CYP39A1: variants seen among roughly 807,000 people sequenced by gnomAD.
CYP39A1 encodes 24-hydroxycholesterol 7-alpha-hydroxylase.
In CYP39A1, 49 loss-of-function variants were observed where a neutral mutation model predicts 58.1. The ratio of observed to expected loss-of-function variants is 0.84; its 90% confidence interval spans 0.67 to 1.07. The LOEUF (loss-of-function observed/expected upper bound fraction) is 1.07, where lower values mean the gene tolerates loss of function less well. CYP39A1 is among the 50% of genes least tolerant of loss of function. The pLI is 0.00. For missense variants in CYP39A1, 531 were observed against 539.4 expected, an observed-to-expected ratio of 0.98 and a Z score of 0.16; for synonymous variants, 209 against 187.6, an observed-to-expected ratio of 1.11 and a Z score of -0.93.
rs533030269 is a variant in CYP39A1, at chr6:46,645,261, T to C, written c.178-2963A>G. Among the ~76,000 whole-genome samples, 46 of 152,324 alleles carry C rather than the reference T, an allele frequency of 3.0e-4. No homozygotes were observed. In the South Asian group the frequency reaches 9.1e-3, roughly 30 times the overall value. On this transcript the variant is annotated intron_variant, in intron 1 of 11. Transcript: ENST00000275016. Reference sequence around the variant, plus strand: ...TCTATATTTCTTTCTACAGGTTTTATATCTTTATGTTTTACATTTAAGTCT... The same window carrying C: ...TCTATATTTCTTTCTACAGGTTTTACATCTTTATGTTTTACATTTAAGTCT...
intron 10 of CYP39A1, among the ~76,000 whole-genome samples, chr6:46,568,967 T>C (rs1283665389): frequency 1.3e-5 from 2 of 152,044 alleles, no homozygotes; most frequent in Non-Finnish European, 2.9e-5. Flanking sequence ...TGCAGACTTC[T>C]TTGGGTAGCA....
intron 7 of CYP39A1, among the ~76,000 whole-genome samples, chr6:46,602,451 A>G (rs560987539): frequency 8.5e-5 from 13 of 152,266 alleles, no homozygotes; most frequent in Admixed American, 5.2e-4. Context: ...GTGGGGCCCA[A>G]GAGTTTGCAT....
At chr6:46,560,946 C>A (rs1770940729) in intron 10 of CYP39A1, among the ~76,000 whole-genome samples, 1 of 152,014 alleles carries the variant, frequency 6.6e-6, no homozygotes, top group Non-Finnish European at 1.5e-5. Flanking sequence ...AAGGTGTGAG[C>A]CAGCCTATCA....
intron 1 of CYP39A1, among the ~76,000 whole-genome samples, chr6:46,650,972 A>C (rs1169972575): frequency 6.6e-6 from 1 of 152,222 alleles, no homozygotes; most frequent in African/African-American, 2.4e-5. Flanking sequence ...AGGAGATATA[A>C]TGTTTCATCT....
intron 3 of CYP39A1, 117 bp downstream of exon 3, chr6:46,639,377 C>A: frequency 1.0e-6 from 1 of 952,640 alleles, no homozygotes; most frequent in Non-Finnish European, 1.6e-6. Flanking sequence ...CTCTTAATAG[C>A]CTAGTTAGGT....
chr6:46,617,411 T>C (rs1733729309), intron 7 of CYP39A1, among the ~76,000 whole-genome samples: 1 of 152,046 alleles, frequency 6.6e-6, no homozygotes, highest in South Asian at 2.1e-4. Context: ...CATGCAAAAG[T>C]GGGTCAAACC....
chr6:46,639,439 A>G, intron 3 of CYP39A1, 55 bp downstream of exon 3: 2 of 1,562,506 alleles, frequency 1.3e-6, no homozygotes, highest in Non-Finnish European at 1.7e-6. Flanking sequence ...ATAGGTTTCA[A>G]TTTTTTTATT....
At chr6:46,611,184 T>A (rs1440857378) in intron 7 of CYP39A1, among the ~76,000 whole-genome samples, 1 of 152,250 alleles carries the variant, frequency 6.6e-6, no homozygotes, top group East Asian at 1.9e-4. Context: ...TTTACAAGGA[T>A]GGATATGGCC....
At chr6:46,587,872 A>G (rs993268152) in intron 9 of CYP39A1, among the ~76,000 whole-genome samples, 162 bp downstream of exon 9, 6 of 152,146 alleles carry the variant, frequency 3.9e-5, no homozygotes, top group African/African-American at 9.7e-5. Flanking sequence ...TGCACTATCT[A>G]TATTGCAAAT....
At chr6:46,611,801 T>G (rs1774230773) in intron 7 of CYP39A1, among the ~76,000 whole-genome samples, 1 of 152,140 alleles carries the variant, frequency 6.6e-6, no homozygotes, top group Non-Finnish European at 1.5e-5. Context: ...AGAAATACCC[T>G]TATGTATAAA....
chr6:46,583,053 T>G, intron 10 of CYP39A1: 1 of 985,158 alleles, frequency 1.0e-6, no homozygotes, highest in Non-Finnish European at 1.2e-6. Context: ...AGCCCATGAC[T>G]TTGTGGCCTA....
At chr6:46,640,675 T>C (rs1310120069) in intron 2 of CYP39A1, among the ~76,000 whole-genome samples, 4 of 152,136 alleles carry the variant, frequency 2.6e-5, no homozygotes. Flanking sequence ...TACAAGTATA[T>C]TGTGTTATGC....
At position 46,646,089 on chromosome 6, in the gene CYP39A1, C is replaced by T. The variant is rs139646795; in HGVS notation, c.178-3791G>A. Among the ~76,000 whole-genome samples, 19 of 152,084 alleles carry T rather than the reference C, an allele frequency of 1.2e-4. No homozygotes were observed. The East Asian group carries it at 3.5e-3, about 28-fold the overall frequency. On this transcript the variant is annotated intron_variant, in intron 1 of 11. Transcript: ENST00000275016. ...TTAAGACAGTTTTATTTCTTATTTT[C>T]GAATCCATATATATTTTCTTTTCTT...
At chr6:46,628,850 A>G (rs1210493913) in intron 6 of CYP39A1, among the ~76,000 whole-genome samples, 1 of 152,204 alleles carries the variant, frequency 6.6e-6, no homozygotes, top group Non-Finnish European at 1.5e-5. Flanking sequence ...GAAAATAATG[A>G]TTGACTGAAA....
intron 8 of CYP39A1, among the ~76,000 whole-genome samples, chr6:46,591,358 C>A (rs985070126): frequency 7.9e-5 from 12 of 151,894 alleles, no homozygotes; most frequent in Non-Finnish European, 1.6e-4. Flanking sequence ...TTGATGTTTA[C>A]ATTATATTCA....
rs553860919 is a variant in CYP39A1, at chr6:46,630,999, G to A, written c.804C>T (p.Leu268=). The change falls in exon 6 of 12, where the codon CTC becomes CTT. Residue 268 remains leucine (L), a synonymous_variant. Coordinates refer to ENST00000275016, the MANE Select transcript of CYP39A1 (RefSeq NM_016593.5). ...TSKENSPNYG[L]LLLWASLSNA... is the part of the protein sequence containing the mutation. ...TAGACAGAGAAGCCCAAAGCAGTAA[G>A]AGCCCATAATTGGGTGAGTTTTCCT... 2.5e-6 allele frequency: 4 copies of A among 1,614,036 alleles called. No homozygotes were observed. The highest frequency in any genetic ancestry group is 1.7e-5 in the Admixed American group (1 of 60,024).
At chr6:46,623,021 TG>T (rs1410346940) in intron 7 of CYP39A1, among the ~76,000 whole-genome samples, 1 of 152,018 alleles carries the variant, frequency 6.6e-6, no homozygotes, top group Non-Finnish European at 1.5e-5. Flanking sequence ...TAGAAGTGAG[TG>T]TTGAAGCCAC....
chr6:46,608,922 G>A (rs1411716301), intron 7 of CYP39A1, among the ~76,000 whole-genome samples: 1 of 151,770 alleles, frequency 6.6e-6, no homozygotes, highest in Non-Finnish European at 1.5e-5. Context: ...CCTACAACAG[G>A]CTTTATAACA....
intron 7 of CYP39A1, among the ~76,000 whole-genome samples, chr6:46,621,816 T>C (rs7750284): frequency 0.19 from 29,050 of 152,042 alleles, 2,988 homozygotes; most frequent in African/African-American, 0.27. Flanking sequence ...GCCAGAATTA[T>C]CTTGATACCA....
Sources: allele counts gnomAD v4.1 joint callset (sites outside exome capture counted in the v4.1 genomes callset), GRCh38; gene constraint gnomAD v4.1.1; transcripts MANE v1.5; gene names NCBI Gene and HGNC (gene_info 2026-07-23, HGNC 2026-07-21).